Variants in FAT2 observed in about 807,000 individuals in gnomAD.
FAT2 encodes protocadherin Fat 2.
FAT2 carries 150 observed loss-of-function variants against 295.3 expected under a neutral mutation model. The ratio of observed to expected loss-of-function variants is 0.51; its 90% CI spans 0.44 to 0.58. The LOEUF is 0.58. FAT2 is among the 20% of genes least tolerant of loss of function. The pLI is 0.00. For synonymous variants in FAT2, 2,026 were observed against 2,150.3 expected (o/e 0.94, Z 1.60); for missense variants, 4,868 against 5,442.7 (o/e 0.89, Z 3.32).
At chr5:151,537,123 C>T (rs182687783) in intron 12 of FAT2, among the ~76,000 whole-genome samples, 14 of 151,536 alleles carry the variant, frequency 9.2e-5, no homozygotes, top group African/African-American at 3.4e-4. Flanking sequence ...CAAATATTCC[C>T]ATAGCTAGCA....
In FAT2 at chr5:151,543,132, A is replaced by C. The variant is rs780742867; in HGVS notation, c.7995T>G (p.Asp2665Glu). The part of the protein sequence containing the change: ...QTLDFFIKAQ[D>E]GGPPHWNSLV... ...GAGAGTTCCAGTGAGGAGGGCCTCCATCTTGGGCTTTGATGAAGAAGTCAA... is the reference window on the plus strand; with the variant it reads ...GAGAGTTCCAGTGAGGAGGGCCTCCCTCTTGGGCTTTGATGAAGAAGTCAA... Residue 2665 changes from aspartate to glutamate, a missense_variant, in exon 10 of 24, where the codon GAT (aspartate) becomes GAG (glutamate). Asp to Glu is a conservative substitution (Grantham distance 45). This residue lies in a region of FAT2 where 3,297 missense variants were observed against 3,669.4 expected (regional missense o/e 0.90). Coordinates refer to ENST00000261800, the MANE Select transcript of FAT2 (RefSeq NM_001447.3). 101 of 1,614,068 alleles carry C rather than the reference A, an allele frequency of 6.3e-5. No individual in the cohort carries two copies. Among genetic ancestry groups the C allele is most frequent in the Non-Finnish European group, 8.3e-5 (98 of 1,180,044 alleles).
At position 151,522,062 on chromosome 5, in the gene FAT2, G is replaced by A. The variant is rs767710243; in HGVS notation, c.10531C>T (p.Leu3511Phe). Residue 3511 changes from leucine to phenylalanine, a missense_variant, in exon 19 of 24, where the codon CTC (leucine) becomes TTC (phenylalanine). Leu to Phe is a conservative substitution (Grantham distance 22). Around this residue, in one of 5 missense-constraint regions of FAT2, gnomAD observed 1,046 missense variants for 1,210.1 expected, o/e 0.86. Coordinates refer to ENST00000261800, the MANE Select transcript of FAT2 (RefSeq NM_001447.3). ...ACACGGACAGACGTCAAAGACGAGA[G>A]GGGAGGGATGCCACTGTCTGACGCC... ...IQASDSGIPP[L>F]SSLTSVRVHV... 3.0e-5 allele frequency: 48 copies of A among 1,596,822 alleles called. 1 individual carries two copies. The South Asian group carries it at 5.2e-4, about 17-fold the overall frequency.
rs780603845 is a variant in FAT2 at position 151,505,520 on chromosome 5, G to A, written c.*45C>T. On this transcript the variant is annotated 3_prime_UTR_variant, in exon 24 of 24. Coordinates refer to ENST00000261800, the MANE Select transcript of FAT2 (RefSeq NM_001447.3). ...TACGAGACAGGAAGAAATAAGCCAA[G>A]TCCAGTCCTTGGCCTCCCGCCTGCC... The A allele has an allele frequency of 5.0e-6, 8 of 1,610,068 alleles. No individual in the cohort carries two copies. Among genetic ancestry groups the A allele is most frequent in the Non-Finnish European group, 6.8e-6 (8 of 1,178,282 alleles).
At chr5:151,537,040 T>A (rs1424811298) in intron 12 of FAT2, among the ~76,000 whole-genome samples, 2 of 152,196 alleles carry the variant, frequency 1.3e-5, no homozygotes, top group Admixed American at 6.5e-5. Flanking sequence ...TGTCCACAAG[T>A]CTCACATAAA....
intron 6 of FAT2, 60 bp downstream of exon 6, chr5:151,553,117 A>G (rs1467986189): frequency 6.6e-7 from 1 of 1,522,778 alleles, no homozygotes; most frequent in Non-Finnish European, 9.1e-7. Flanking sequence ...CAGGAAAACT[A>G]GAGCTGGTGT....
At chr5:151,591,552 C>T (rs377408303), upstream of FAT2, among the ~76,000 whole-genome samples, 51 of 152,262 alleles carry the variant, frequency 3.3e-4, no homozygotes, top group Admixed American at 1.5e-3. Flanking sequence ...TAAACTGAGG[C>T]CCTGGACAGG....
Position 151,521,344 on chromosome 5 carries a change from G to C in FAT2, c.11249C>G (p.Thr3750Arg). 2.5e-6 allele frequency: 4 copies of C among 1,614,190 alleles called. No homozygotes were observed. Among genetic ancestry groups the C allele is most frequent in the Non-Finnish European group, 3.4e-6 (4 of 1,180,020 alleles). Residue 3750 changes from threonine (T) to arginine (R), a missense_variant, in exon 19 of 24, where the codon ACG becomes AGG. By Grantham distance (71) the Thr-to-Arg change is moderately conservative. Transcript: ENST00000261800. ...TVHLDPKVGPTYSTARLSILT... is the reference protein window; with the variant it reads ...TVHLDPKVGPRYSTARLSILT... Reference sequence around the variant, plus strand: ...GATGCTGAGCCTGGCGGTGCTGTACGTGGGCCCAACCTTGGGGTCCAGATG... The same window carrying C: ...GATGCTGAGCCTGGCGGTGCTGTACCTGGGCCCAACCTTGGGGTCCAGATG...
Position 151,545,912 on chromosome 5 carries a change from A to G in FAT2, c.5215T>C (p.Phe1739Leu), listed in dbSNP as rs751669277. The change falls in exon 10 of 24, where the codon TTT (phenylalanine) becomes CTT (leucine). Residue 1739 changes from phenylalanine (F) to leucine (L), a missense_variant. Physicochemically the swap from Phe to Leu is conservative, Grantham distance 22 (BLOSUM62 0). Coordinates refer to ENST00000261800, the MANE Select transcript of FAT2 (RefSeq NM_001447.3). ...KIRGSNMAGAFTDVMVVVDII... is the reference protein window; with the variant it reads ...KIRGSNMAGALTDVMVVVDII... ...TCAACCACCACCATGACATCAGTAA[A>G]TGCACCTGCCATATTGCTGCCTCGG... The G allele has an allele frequency of 6.2e-7, 1 of 1,614,116 alleles. No individual in the cohort carries two copies.
intron 1 of FAT2, among the ~76,000 whole-genome samples, chr5:151,579,646 T>A (rs577550897): frequency 1.3e-5 from 2 of 152,160 alleles, no homozygotes; most frequent in Non-Finnish European, 2.9e-5. Context: ...ATTTAGCCAT[T>A]CCACTATGCA....
At position 151,551,524 on chromosome 5, in the gene FAT2, C is replaced by G. The variant is rs559271363; in HGVS notation, c.4239G>C (p.Arg1413Ser). 9.5e-5 allele frequency: 153 copies of G among 1,614,216 alleles called. 3 individuals carry two copies. The Admixed American group carries it at 2.5e-3, about 26-fold the overall frequency. Residue 1413 changes from arginine (R) to serine (S), a missense_variant, in exon 7 of 24, where the codon AGG becomes AGC. This residue lies in a region of FAT2 where 3,297 missense variants were observed against 3,669.4 expected (regional missense o/e 0.90). Coordinates refer to ENST00000261800, the MANE Select transcript of FAT2 (RefSeq NM_001447.3). Reference sequence around the variant, plus strand: ...CCTCAACAGTCAAGTTATAGTTCGACCTTCTCCTGGTATCAAGAGGCCTGG... The same window carrying G: ...CCTCAACAGTCAAGTTATAGTTCGAGCTTCTCCTGGTATCAAGAGGCCTGG... ...VIARPLDTRRRSNYNLTVEVT... is the reference protein window; with the variant it reads ...VIARPLDTRRSSNYNLTVEVT...
At chr5:151,580,593 G>C (rs73274000) in intron 1 of FAT2, among the ~76,000 whole-genome samples, 1 of 152,154 alleles carries the variant, frequency 6.6e-6, no homozygotes, top group South Asian at 2.1e-4. Flanking sequence ...ACACACACGC[G>C]TGCTCGCACA....
intron 22 of FAT2, 172 bp downstream of exon 22, chr5:151,509,849 G>A (rs527346343): frequency 5.6e-5 from 38 of 674,870 alleles, no homozygotes; most frequent in African/African-American, 3.6e-4. Context: ...CCATGAAACC[G>A]GTCCCTGGTG....
chr5:151,578,921 T>C (rs1758842935), intron 1 of FAT2, among the ~76,000 whole-genome samples: 1 of 152,244 alleles, frequency 6.6e-6, no homozygotes, highest in African/African-American at 2.4e-5. Context: ...TCACTCTGTG[T>C]GAACTCTAAA....
intron 4 of FAT2, among the ~76,000 whole-genome samples, chr5:151,555,944 A>G (rs191896522): frequency 1.4e-4 from 21 of 152,294 alleles, no homozygotes; most frequent in African/African-American, 4.6e-4. Flanking sequence ...GCATCCTAGA[A>G]AGAGCACAGA....
rs375787666 is a variant in FAT2 at position 151,521,409 on chromosome 5, C to T, written c.11184G>A (p.Gln3728=). ...AGATTTGACCCTGGCAGGTTGGCCC[C>T]TGGCAGGGCACCATGGGCATAGCTG... ...MRSAMPMVPC[Q]GPTCQGQICH... Residue 3728 remains glutamine, a synonymous_variant, in exon 19 of 24, where the codon CAG becomes CAA. Coordinates refer to ENST00000261800, the MANE Select transcript of FAT2 (RefSeq NM_001447.3). 1 of 1,614,242 alleles carries T rather than the reference C, an allele frequency of 6.2e-7. No homozygotes were observed. Among genetic ancestry groups the T allele is most frequent in the Non-Finnish European group, 8.5e-7 (1 of 1,180,032 alleles).
chr5:151,510,257 T>C (rs1761217367), intron 21 of FAT2, 83 bp from the exon 22 acceptor site: 2 of 1,464,086 alleles, frequency 1.4e-6, no homozygotes, highest in Non-Finnish European at 1.9e-6. Context: ...GGTGTGTTTG[T>C]GCAGCCGTTC....
chr5:151,505,624 A>AGTT lies in FAT2; in HGVS notation c.12988_12990dup (p.Asn4330dup). 1 of 1,614,092 alleles carries AGTT rather than the reference A, an allele frequency of 6.2e-7. No individual in the cohort carries two copies. The highest frequency in any genetic ancestry group is 8.5e-7 in the Non-Finnish European group (1 of 1,180,010). On this transcript the variant is annotated inframe_insertion, in exon 24 of 24. Transcript: ENST00000261800. Reference sequence around the variant, plus strand: ...CTCTCCACCATGTCAGAGCCCTCATAGTTGGGGGGCACCCGGGGCTGGCCC... The same window carrying AGTT: ...CTCTCCACCATGTCAGAGCCCTCATAGTTGTTGGGGGGCACCCGGGGCTGGCCC...
chr5:151,570,519 G>C (rs974664293), intron 1 of FAT2, among the ~76,000 whole-genome samples: 4 of 152,218 alleles, frequency 2.6e-5, no homozygotes, highest in African/African-American at 9.6e-5. Flanking sequence ...GACCCTTGCT[G>C]TTTCCCACAG....
intron 22 of FAT2, among the ~76,000 whole-genome samples, chr5:151,509,020 C>G (rs1429532876): frequency 6.6e-6 from 1 of 152,126 alleles, no homozygotes; most frequent in Non-Finnish European, 1.5e-5. Context: ...TTGTCAAAGT[C>G]TCTTTCTCTC....
Sources: allele counts gnomAD v4.1 joint callset (sites outside exome capture counted in the v4.1 genomes callset), GRCh38; gene constraint gnomAD v4.1.1; regional missense constraint gnomAD v4.1.1; transcripts MANE v1.5; gene names NCBI Gene and HGNC (gene_info 2026-07-23, HGNC 2026-07-21).